Variants in FCHO1 observed in about 807,000 individuals in gnomAD.
The protein encoded by FCHO1 is F-BAR domain only protein 1.
In FCHO1, 45 loss-of-function variants were observed where a neutral mutation model predicts 114.4. The ratio of observed to expected loss-of-function variants is 0.39; its 90% CI spans 0.31 to 0.50. The LOEUF (loss-of-function observed/expected upper bound fraction) is 0.50, where lower values mean the gene tolerates loss of function less well. Among genes scored for constraint, FCHO1 ranks in the 20% least tolerant of loss-of-function variants. The pLI is 0.77. For missense variants in FCHO1, 1,042 were observed against 1,209.6 expected, an observed-to-expected ratio of 0.86 and a Z score of 2.06; for synonymous variants, 480 against 488.9, an observed-to-expected ratio of 0.98 and a Z score of 0.24.
intron 12 of FCHO1, 25 bp from the exon 13 acceptor site, chr19:17,774,369 C>G (rs1369996834): frequency 4.3e-6 from 7 of 1,613,276 alleles, no homozygotes; most frequent in Non-Finnish European, 5.9e-6. Flanking sequence ...TCACAGTGCT[C>G]AGGTGCCCCC....
At chr19:17,749,774 G>A (rs1230612553), upstream of FCHO1, among the ~76,000 whole-genome samples, 1 of 152,204 alleles carries the variant, frequency 6.6e-6, no homozygotes, top group East Asian at 1.9e-4. Context: ...AGGTGGCGAG[G>A]CCAAGAGGGG....
At chr19:17,753,897 C>A (rs2082653605) in intron 1 of FCHO1, 1 of 152,266 alleles carries the variant, frequency 6.6e-6, no homozygotes, top group Admixed American at 6.5e-5. Context: ...AAACTCCTGA[C>A]CTCAAGTGAT....
At chr19:17,769,839 CT>C (rs11397360) in intron 7 of FCHO1, among the ~76,000 whole-genome samples, 1 of 151,618 alleles carries the variant, frequency 6.6e-6, no homozygotes, top group Admixed American at 6.6e-5. Context: ...GTAAATAGTA[CT>C]TTTTTTTAAA....
In FCHO1 at chr19:17,783,203, C is replaced by G. The variant is rs749039396; in HGVS notation, c.2093+31C>G. On this transcript the variant is annotated intron_variant, in intron 24 of 28. Transcript: ENST00000596536. ...ATGGAGGGGCAGTGGGAGAGGGCCTCGGAGGCTGCTGGGGATCAGGCTTCC... is the reference window on the plus strand; with the variant it reads ...ATGGAGGGGCAGTGGGAGAGGGCCTGGGAGGCTGCTGGGGATCAGGCTTCC... 59 of 1,603,050 alleles carry G rather than the reference C, an allele frequency of 3.7e-5. 1 individual carries two copies. In the Admixed American group the frequency reaches 9.8e-4, roughly 27 times the overall value.
Position 17,762,821 on chromosome 19 carries a change from C to T in FCHO1, c.87C>T (p.Ser29=). The change falls in exon 5 of 29, where the codon TCC becomes TCT. Residue 29 remains serine, a synonymous_variant. Transcript: ENST00000596536. ...LYHSVKQGPI[S]TKELADFIRE... Reference sequence around the variant, plus strand: ...ACAGCGTGAAGCAGGGGCCCATCTCCACCAAGGAGCTGGCGGACTTCATCC... The same window carrying T: ...ACAGCGTGAAGCAGGGGCCCATCTCTACCAAGGAGCTGGCGGACTTCATCC... 3.1e-6 allele frequency: 5 copies of T among 1,613,952 alleles called. No individual in the cohort carries two copies. The highest frequency in any genetic ancestry group is 4.2e-6 in the Non-Finnish European group (5 of 1,179,848).
At chr19:17,759,226 C>CTTTTTTTCTTTTT (rs2085066177) in intron 4 of FCHO1, among the ~76,000 whole-genome samples, 1 of 105,920 alleles carries the variant, frequency 9.4e-6, no homozygotes, top group African/African-American at 3.6e-5. Context: ...AGCTGATTAC[C>CTTTTTTTCTTTTT]TTTTTTTTTT....
rs1292907978 is a variant in FCHO1 at position 17,772,454 on chromosome 19, C to T, written c.595-3C>T. The T allele has an allele frequency of 6.2e-7, 1 of 1,613,482 alleles. No homozygotes were observed. Among genetic ancestry groups the T allele is most frequent in the Admixed American group, 1.7e-5 (1 of 59,990 alleles). On this transcript the variant is annotated splice_polypyrimidine_tract_variant and splice_region_variant and intron_variant, in intron 9 of 28. Transcript: ENST00000596536. Reference sequence around the variant, plus strand: ...TCCACCTGCCTCTGCCCTCCTGCTTCAGCGCTTCCAAGCCATGGAGGAGAC... The same window carrying T: ...TCCACCTGCCTCTGCCCTCCTGCTTTAGCGCTTCCAAGCCATGGAGGAGAC...
rs1295828157 is a variant in FCHO1, at chr19:17,784,734, C to T, written c.2236C>T (p.Pro746Ser). The change falls in exon 26 of 29, where the codon CCG becomes TCG. Residue 746 changes from proline to serine, a missense_variant. Around this residue, in one of 3 missense-constraint regions of FCHO1, gnomAD observed 455 missense variants for 455.4 expected, o/e 1.00. Transcript: ENST00000596536. This position sits in a 1 kb window ranked among gnomAD's most constrained non-coding sequence, Gnocchi z 5.3. ...TTCTCATTCTTCCTAGTTCTCCCGC[C>T]CGGGTCCCCAGTCTGTGCCTCTGCA... The part of the protein sequence containing the change: ...VVLLRYQFSR[P>S]GPQSVPLQLS... The T allele has an allele frequency of 6.2e-7, 1 of 1,614,038 alleles. No individual in the cohort carries two copies. The highest frequency in any genetic ancestry group is 1.1e-5 in the South Asian group (1 of 91,086).
rs2091852925 is a variant in FCHO1 at position 17,772,474 on chromosome 19, G to A, written c.612G>A (p.Glu204=). 1 of 1,614,048 alleles carries A rather than the reference G, an allele frequency of 6.2e-7. No individual in the cohort carries two copies. Among genetic ancestry groups the A allele is most frequent in the Non-Finnish European group, 8.5e-7 (1 of 1,179,996 alleles). The change falls in exon 10 of 29, where the codon GAG becomes GAA. Residue 204 remains glutamate (E), a synonymous_variant. Coordinates refer to ENST00000596536, the MANE Select transcript of FCHO1 (RefSeq NM_015122.3). ...TGCTTCAGCGCTTCCAAGCCATGGA[G>A]GAGACACACCTGAGGCACATGAAGG... The part of the protein sequence containing the change: ...LDSALRFQAM[E]ETHLRHMKAL...
rs928860085 is a variant in FCHO1 at position 17,776,779 on chromosome 19, G to A, written c.1259+93G>A. ...GCCTGGTGTTCTCTTGTCCCGGCTG[G>A]GAGTTGACGTCATGCTGGGGTTTTT... On this transcript the variant is annotated intron_variant, in intron 18 of 28. Transcript: ENST00000596536. This position sits in a 1 kb window ranked among gnomAD's most constrained non-coding sequence, Gnocchi z 4.4. 1.7e-6 allele frequency: 2 copies of A among 1,206,872 alleles called. No homozygotes were observed. The highest frequency in any genetic ancestry group is 1.2e-6 in the Non-Finnish European group (1 of 835,056). The allele number at this position is 1,206,872 out of a possible 1,614,324, so 74.8% of individuals were successfully genotyped here. A position where few individuals can be genotyped will look rare whatever the true frequency, so the allele number is the denominator to read the frequency against.
At chr19:17,748,013 T>C (rs891382089), upstream of FCHO1, among the ~76,000 whole-genome samples, 8 of 152,016 alleles carry the variant, frequency 5.3e-5, no homozygotes, top group Admixed American at 1.3e-4. Context: ...CAGGCGAAAA[T>C]GGGGACCGCT....
At chr19:17,748,111 A>T (rs2080996854), upstream of FCHO1, among the ~76,000 whole-genome samples, 1 of 151,966 alleles carries the variant, frequency 6.6e-6, no homozygotes, top group Admixed American at 6.6e-5. Flanking sequence ...TTTTATTCTA[A>T]GCCTAGGTCT....
At chr19:17,766,842 GTGGGTGTGGAACACCGGCAGC>G (rs2089365533) in intron 7 of FCHO1, 32 bp downstream of exon 7, 2 of 1,602,700 alleles carry the variant, frequency 1.2e-6, no homozygotes, top group Non-Finnish European at 1.7e-6. Flanking sequence ...CAGCGGCTGG[GTGGGTGTGGAACACCGGCAGC>G]TCACAGGACC....
chr19:17,778,493 G>A, intron 19 of FCHO1, 116 bp from the exon 20 acceptor site: 1 of 1,192,942 alleles, frequency 8.4e-7, no homozygotes, highest in South Asian at 1.5e-5. Context: ...CGTGCACAAG[G>A]ACTTTGAATG....
At chr19:17,770,610 T>G (rs766676105) in intron 8 of FCHO1, 33 bp downstream of exon 8, 1 of 1,598,626 alleles carries the variant, frequency 6.3e-7, no homozygotes, top group African/African-American at 1.3e-5. Context: ...CTGAGGAATT[T>G]GCCGCGGGGC....
chr19:17,750,862 G>A (rs2081763421), upstream of FCHO1, among the ~76,000 whole-genome samples: 1 of 123,016 alleles, frequency 8.1e-6, no homozygotes, highest in South Asian at 2.5e-4. Context: ...GTCTCGCTCT[G>A]TCGCCAGGCT....
At chr19:17,773,227 G>A (rs569249925) in intron 11 of FCHO1, among the ~76,000 whole-genome samples, 7 of 152,294 alleles carry the variant, frequency 4.6e-5, no homozygotes, top group South Asian at 2.1e-4. Flanking sequence ...TTTCTTCATC[G>A]CTTGCTGTGT....
At chr19:17,771,485 G>A (rs1042801565) in intron 9 of FCHO1, among the ~76,000 whole-genome samples, 2 of 151,190 alleles carry the variant, frequency 1.3e-5, no homozygotes, top group Non-Finnish European at 1.5e-5. Flanking sequence ...TGGCTAACAC[G>A]GTGAAACCCC....
intron 19 of FCHO1, 101 bp from the exon 20 acceptor site, chr19:17,778,508 C>G (rs898677778): frequency 7.4e-7 from 1 of 1,357,218 alleles, no homozygotes; most frequent in African/African-American, 1.5e-5. Flanking sequence ...TGAATGGGGG[C>G]CCCCCTGACC....
Sources: gnomAD v4.1 joint callset for allele counts (sites outside exome capture counted in the v4.1 genomes callset) on GRCh38, gnomAD v4.1.1 for gene constraint, gnomAD v4.1.1 regional missense constraint, Gnocchi (gnomAD v3.1) non-coding constraint, MANE v1.5 for transcripts, NCBI Gene and HGNC (gene_info 2026-07-23, HGNC 2026-07-21) for gene names.